The following DMPK variants were observed in gnomAD, a reference collection of about 807,000 sequenced individuals.
DMPK encodes the protein myotonin-protein kinase.
In DMPK, 32 loss-of-function variants were observed where a neutral mutation model predicts 70.3. The ratio of observed to expected loss-of-function variants is 0.46; its 90% CI spans 0.34 to 0.61. The LOEUF is 0.61. Ranked by LOEUF, DMPK falls within the 20% of genes least tolerant of loss-of-function variation. DMPK has a pLI of 0.01. For missense variants in DMPK, 899 were observed against 886.0 expected, an observed-to-expected ratio of 1.01 and a Z score of -0.19; for synonymous variants, 469 against 390.9, an observed-to-expected ratio of 1.20 and a Z score of -2.36.
chr19:45,779,880 G>A lies in DMPK; in HGVS notation c.161-11C>T. 7 of 1,613,552 alleles carry A rather than the reference G, an allele frequency of 4.3e-6. No homozygotes were observed. Among genetic ancestry groups the A allele is most frequent in the African/African-American group, 1.3e-5 (1 of 75,046 alleles). On this transcript the variant is annotated splice_polypyrimidine_tract_variant and intron_variant, in intron 1 of 14. Coordinates refer to ENST00000291270, the MANE Select transcript of DMPK (RefSeq NM_004409.5). ...CCACGATGGGCTCCGCTGGGGGGGT[G>A]GTGGGGGAAAAGAACCGAGGGTCAC...
rs1292367466 is a variant in DMPK at position 45,774,958 on chromosome 19, A to G, written c.1223T>C (p.Met408Thr). 1 of 1,613,908 alleles carries G rather than the reference A, an allele frequency of 6.2e-7. No homozygotes were observed. The highest frequency in any genetic ancestry group is 2.2e-5 in the East Asian group (1 of 44,870). The part of the protein sequence containing the change: ...LPFVGYSYSC[M>T]ALRDSEVPGP... ...CCAGGGCAGTGCTTACCTGAGGGCC[A>G]TGCAGGAGTAGGAGTAGCCCACAAA... The change falls in exon 9 of 15, where the codon ATG becomes ACG. Residue 408 changes from methionine (M) to threonine (T), a missense_variant. Physicochemically the swap from Met to Thr is moderately conservative, Grantham distance 81 (BLOSUM62 -1). Coordinates refer to ENST00000291270, the MANE Select transcript of DMPK (RefSeq NM_004409.5).
intron 10 of DMPK, 140 bp from the exon 11 acceptor site, chr19:45,772,068 CA>C: frequency 8.5e-7 from 1 of 1,170,172 alleles, no homozygotes; most frequent in Non-Finnish European, 1.2e-6. Context: ...ATAGCTCCTG[CA>C]ATGATCCAAG....
intron 9 of DMPK, among the ~76,000 whole-genome samples, chr19:45,773,326 T>C (rs1243840519): frequency 6.6e-6 from 1 of 152,194 alleles, no homozygotes. Flanking sequence ...TGGGTTCTAA[T>C]AGAGGATGGG....
intron 13 of DMPK, 30 bp from the exon 14 acceptor site, chr19:45,771,090 C>G (rs753859065): frequency 6.7e-7 from 1 of 1,498,690 alleles, no homozygotes; most frequent in Non-Finnish European, 9.0e-7. Context: ...GTGACCCGAT[C>G]GGAGCCCAGC....
chr19:45,770,251 A>AGCG lies in DMPK; in HGVS notation c.*236_*237insCGC. 1 of 438,882 alleles carries AGCG rather than the reference A, an allele frequency of 2.3e-6. No homozygotes were observed. The highest frequency in any genetic ancestry group is 3.4e-6 in the Non-Finnish European group (1 of 294,274). The allele number at this position is 438,882 out of a possible 1,614,324, so 27.2% of individuals were successfully genotyped here. A position where few individuals can be genotyped will look rare whatever the true frequency, so the allele number is the denominator to read the frequency against. ...CAGCAGCAGCAGCAGCAGCAGCAGC[A>AGCG]GCAGCAGCAGCAGCATTCCCGGCTA... On this transcript the variant is annotated 3_prime_UTR_variant, in exon 15 of 15. Transcript: ENST00000291270.
chr19:45,770,783 C>T, intron 14 of DMPK, 143 bp from the exon 15 acceptor site: 6 of 1,069,268 alleles, frequency 5.6e-6, no homozygotes, highest in East Asian at 2.6e-5. Context: ...TGTTAGTCCA[C>T]TCGCACGCCT....
rs954457574 is a variant in DMPK at position 45,777,966 on chromosome 19, C to G, written c.676-93G>C. ...TCCAACCACTCCCCAAATGCTTAGC[C>G]CCTCCCTCTGCCTGGTCTAATACTC... On this transcript the variant is annotated intron_variant, in intron 6 of 14. Transcript: ENST00000291270. This position sits in a 1 kb window ranked among gnomAD's most constrained non-coding sequence, Gnocchi z 6.7. 2.3e-6 allele frequency: 3 copies of G among 1,329,748 alleles called. No individual in the cohort carries two copies. In the Admixed American group the frequency reaches 5.9e-5, roughly 26 times the overall value. The allele number at this position is 1,329,748 out of a possible 1,614,324, so 82.4% of individuals were successfully genotyped here.
At position 45,770,605 on chromosome 19, in the gene DMPK, C is replaced by G. The variant is rs1400955158; in HGVS notation, c.1773G>C (p.Leu591=). 80 of 1,552,858 alleles carry G rather than the reference C, an allele frequency of 5.2e-5. No individual in the cohort carries two copies. The highest frequency in any genetic ancestry group is 6.4e-5 in the Non-Finnish European group (73 of 1,148,352). Residue 591 remains leucine, a synonymous_variant, in exon 15 of 15, where the codon CTG becomes CTC. Transcript: ENST00000291270. The part of the protein sequence containing the change: ...PRPGLSEALS[L]LLFAVVLSRA... ...GAGACAGAACAACGGCGAACAGGAG[C>G]AGGGAAAGCGCCTCCGATAGGCCAG...
At chr19:45,778,851 A>G in intron 4 of DMPK, 2 of 591,052 alleles carry the variant, frequency 3.4e-6, no homozygotes, top group Non-Finnish European at 5.9e-6. Flanking sequence ...AAACAAAAAA[A>G]CTTTCCTGGG....
chr19:45,772,509 G>A (rs1358858371), intron 10 of DMPK, 132 bp downstream of exon 10: 15 of 566,404 alleles, frequency 2.6e-5, no homozygotes, highest in Middle Eastern at 5.1e-4. Flanking sequence ...AAGTAACCTC[G>A]TCTCTCCGTG....
intron 4 of DMPK, chr19:45,779,012 A>AC (rs1478981412): frequency 5.1e-6 from 3 of 585,964 alleles, no homozygotes; most frequent in Non-Finnish European, 9.1e-6. Flanking sequence ...CAGGTAAGAG[A>AC]CCCCCCGCAA....
chr19:45,771,549 G>A lies in DMPK; in HGVS notation c.1600+19C>T, dbSNP rs183944228. 19 of 1,613,806 alleles carry A rather than the reference G, an allele frequency of 1.2e-5. 1 individual carries two copies. In the Admixed American group the frequency reaches 3.2e-4, roughly 27 times the overall value. ...CCTCCTCCCGGTCCTCCGGGGAAGG[G>A]GACACATGAGGGACTCACCTGTGGC... is the stretch of plus-strand genomic sequence containing the variant. On this transcript the variant is annotated intron_variant, in intron 12 of 14. Transcript: ENST00000291270.
intron 4 of DMPK, 78 bp downstream of exon 4, chr19:45,779,186 C>A (rs1315644600): frequency 6.8e-7 from 1 of 1,461,806 alleles, no homozygotes; most frequent in Non-Finnish European, 9.6e-7. Context: ...AATCCTAGAG[C>A]TTCCTCTCCC....
In DMPK at chr19:45,772,756, G is replaced by A. The variant is rs772267314; in HGVS notation, c.1233-4C>T. On this transcript the variant is annotated splice_polypyrimidine_tract_variant and splice_region_variant and intron_variant, in intron 9 of 14. Transcript: ENST00000291270. ...GGGGCCTGGGACCTCACTGTCCCTGGGGAGAGGAGGAGGGAGTGGGGAGGG... is the reference window on the plus strand; with the variant it reads ...GGGGCCTGGGACCTCACTGTCCCTGAGGAGAGGAGGAGGGAGTGGGGAGGG... The A allele has an allele frequency of 3.4e-6, 5 of 1,464,216 alleles. No individual in the cohort carries two copies. The African/African-American group carries it at 6.0e-5, about 17-fold the overall frequency. 90.7% of individuals were successfully genotyped at this position (1,464,216 alleles called of 1,614,324 possible).
intron 9 of DMPK, among the ~76,000 whole-genome samples, chr19:45,773,636 C>A (rs908922884): frequency 2.0e-5 from 3 of 152,152 alleles, no homozygotes; most frequent in African/African-American, 7.2e-5. Flanking sequence ...TTGTGATAAG[C>A]AATGCATTAT....
intron 13 of DMPK, 140 bp from the exon 14 acceptor site, chr19:45,771,200 G>A (rs1374689591): frequency 1.6e-6 from 2 of 1,221,558 alleles, no homozygotes; most frequent in Non-Finnish European, 2.3e-6. Flanking sequence ...CTGAACGGAG[G>A]GAGATCTGGG....
rs766151412 is a variant in DMPK, at chr19:45,777,748, G to A, written c.801C>T (p.Phe267=). 39 of 1,613,466 alleles carry A rather than the reference G, an allele frequency of 2.4e-5. No homozygotes were observed. Among genetic ancestry groups the A allele is most frequent in the Admixed American group, 8.3e-5 (5 of 60,004 alleles). ...TCTGCCCATAGAACATTTCATAGGC[G>A]AATACACCCAGCGCCCACCAGTCAC... ...PECDWWALGV[F]AYEMFYGQTP... Residue 267 remains phenylalanine (F), a synonymous_variant, in exon 7 of 15, where the codon TTC becomes TTT. Transcript: ENST00000291270. This position sits in a 1 kb window ranked among gnomAD's most constrained non-coding sequence, Gnocchi z 6.7.
In DMPK at chr19:45,779,969, C is replaced by G. The variant is rs774662606; in HGVS notation, c.161-100G>C. On this transcript the variant is annotated intron_variant, in intron 1 of 14. Coordinates refer to ENST00000291270, the MANE Select transcript of DMPK (RefSeq NM_004409.5). ...TCTGTCTGTCTCCCCTTCTCTCTGC[C>G]TCTCAGCTTCACCCTAGGACTGTCT... The G allele has an allele frequency of 4.4e-6, 7 of 1,581,882 alleles. No homozygotes were observed. The Admixed American group carries it at 7.4e-5, about 17-fold the overall frequency.
intron 8 of DMPK, 199 bp from the exon 9 acceptor site, chr19:45,775,233 T>C: frequency 1.9e-6 from 1 of 522,990 alleles, no homozygotes; most frequent in Non-Finnish European, 3.4e-6. Context: ...AGTGGTGCAA[T>C]CTCAGCTCAC....
Sources: allele counts gnomAD v4.1 joint callset (sites outside exome capture counted in the v4.1 genomes callset), GRCh38; gene constraint gnomAD v4.1.1; non-coding constraint Gnocchi (gnomAD v3.1); transcripts MANE v1.5; gene names NCBI Gene and HGNC (gene_info 2026-07-23, HGNC 2026-07-21).